TRPS1: variants seen among roughly 807,000 people sequenced by gnomAD.
TRPS1 encodes transcriptional repressor GATA binding 1, also known as zinc finger transcription factor Trps1.
A neutral mutation model predicts 101.2 loss-of-function variants in TRPS1; 6 were observed. The ratio of observed to expected loss-of-function variants is 0.06; its 90% confidence interval spans 0.03 to 0.12. The LOEUF (loss-of-function observed/expected upper bound fraction) is 0.12, where lower values mean the gene tolerates loss of function less well. TRPS1 is among the 10% of genes least tolerant of loss of function. The probability of loss-of-function intolerance (pLI) is 1.00; values close to 1 mark genes in which losing one functional copy is unlikely to be tolerated. For synonymous variants in TRPS1, 578 were observed against 589.8 expected (o/e 0.98, Z 0.29); for missense variants, 1,363 against 1,567.0 (o/e 0.87, Z 2.20).
intron 5 of TRPS1, among the ~76,000 whole-genome samples, chr8:115,542,013 C>T (rs1816464313): frequency 6.6e-6 from 1 of 152,110 alleles, no homozygotes. Flanking sequence ...TGCCATAGAA[C>T]TTCTGCAAAA....
At chr8:115,610,250 T>TA (rs552277823) in intron 3 of TRPS1, among the ~76,000 whole-genome samples, 67 of 151,394 alleles carry the variant, frequency 4.4e-4, no homozygotes, top group Non-Finnish European at 6.3e-4. Context: ...GCTAAGTTGT[T>TA]AAAAAAAAAT....
At chr8:115,495,277 C>T (rs1815121526) in intron 5 of TRPS1, among the ~76,000 whole-genome samples, 1 of 152,070 alleles carries the variant, frequency 6.6e-6, no homozygotes, top group Non-Finnish European at 1.5e-5. Flanking sequence ...CAACATGATG[C>T]AACTCTGTAT....
chr8:115,514,067 A>G (rs1815650446), intron 5 of TRPS1, among the ~76,000 whole-genome samples: 1 of 151,698 alleles, frequency 6.6e-6, no homozygotes, highest in African/African-American at 2.4e-5. Context: ...AATATAATAC[A>G]CATCCTGAGA....
At chr8:115,598,307 C>T (rs1209229406) in intron 4 of TRPS1, among the ~76,000 whole-genome samples, 1 of 152,058 alleles carries the variant, frequency 6.6e-6, no homozygotes, top group Non-Finnish European at 1.5e-5. Flanking sequence ...TAGTCATTTT[C>T]CCTTCAAACT....
At chr8:115,572,491 G>T (rs1004478715) in intron 5 of TRPS1, among the ~76,000 whole-genome samples, 1 of 151,728 alleles carries the variant, frequency 6.6e-6, no homozygotes, top group Non-Finnish European at 1.5e-5. Context: ...TCACTCTGTG[G>T]TACCTGACAC....
At chr8:115,498,399 CTCTCTCTCTCTCTCTCTATATATATATA>C (rs1815208614) in intron 5 of TRPS1, among the ~76,000 whole-genome samples, 1 of 83,252 alleles carries the variant, frequency 1.2e-5, no homozygotes, top group African/African-American at 5.3e-5. Flanking sequence ...CTCTCTCTCT[CTCTCTCTCTCTCTCTCTATATATATATA>C]TATATATATA....
rs534205166 is a variant in TRPS1, at chr8:115,622,254, T to C, written c.37+1347A>G. Among the ~76,000 whole-genome samples the C allele has an allele frequency of 7.2e-5, 11 of 152,274 alleles. No individual in the cohort carries two copies. In the South Asian group the frequency reaches 2.3e-3, roughly 32 times the overall value. ...GTTTGCATTTCAATGTCTTATGTGT[T>C]ATGTCAACCTTTTAGGAGTCCTGTA... is the stretch of plus-strand genomic sequence containing the variant. On this transcript the variant is annotated intron_variant, in intron 2 of 6. Transcript: ENST00000395715.
chr8:115,550,218 A>C (rs2130336490), intron 5 of TRPS1, among the ~76,000 whole-genome samples: 1 of 152,366 alleles, frequency 6.6e-6, no homozygotes, highest in East Asian at 1.9e-4. Context: ...TGTCTCAAAA[A>C]AGAATGATTT....
At chr8:115,550,531 C>G (rs1816679170) in intron 5 of TRPS1, among the ~76,000 whole-genome samples, 1 of 152,158 alleles carries the variant, frequency 6.6e-6, no homozygotes. Flanking sequence ...ATATAAAGTA[C>G]AACTCTTTTA....
intron 1 of TRPS1, among the ~76,000 whole-genome samples, chr8:115,627,516 G>A (rs1046643558): frequency 6.6e-6 from 1 of 151,722 alleles, no homozygotes; most frequent in Non-Finnish European, 1.5e-5. Context: ...GTAGCTCATC[G>A]AAGAGTATAA....
At chr8:115,496,122 C>A (rs2130122442) in intron 5 of TRPS1, among the ~76,000 whole-genome samples, 1 of 152,228 alleles carries the variant, frequency 6.6e-6, no homozygotes, top group South Asian at 2.1e-4. Flanking sequence ...TGTGCTGTTT[C>A]TAAAAATCCA....
At chr8:115,497,249 G>A (rs906058288) in intron 5 of TRPS1, among the ~76,000 whole-genome samples, 2 of 152,144 alleles carry the variant, frequency 1.3e-5, no homozygotes, top group Admixed American at 1.3e-4. Flanking sequence ...CAGATCATCA[G>A]GCATTAGTTA....
intron 5 of TRPS1, among the ~76,000 whole-genome samples, chr8:115,549,690 G>C (rs1187328344): frequency 7.0e-6 from 1 of 143,594 alleles, no homozygotes; most frequent in African/African-American, 2.6e-5. Context: ...AAAAAAAAAC[G>C]CTAAACAAAA....
intron 5 of TRPS1, among the ~76,000 whole-genome samples, chr8:115,420,241 C>T (rs1450428610): frequency 6.6e-6 from 1 of 152,144 alleles, no homozygotes; most frequent in Non-Finnish European, 1.5e-5. Flanking sequence ...TGTCAGTCTG[C>T]AAGTCCCAGT....
intron 1 of TRPS1, among the ~76,000 whole-genome samples, chr8:115,631,184 T>C (rs2130561610): frequency 6.6e-6 from 1 of 152,242 alleles, no homozygotes; most frequent in South Asian, 2.1e-4. Flanking sequence ...TCCACTGTCA[T>C]GTGGCACCTT....
intron 5 of TRPS1, among the ~76,000 whole-genome samples, chr8:115,511,892 A>G (rs1390806572): frequency 6.6e-6 from 1 of 151,850 alleles, no homozygotes; most frequent in East Asian, 1.9e-4. Context: ...TCACATACGA[A>G]ATGTATGAAC....
intron 1 of TRPS1, among the ~76,000 whole-genome samples, chr8:115,653,402 T>C (rs192797442): frequency 1.2e-4 from 18 of 152,278 alleles, no homozygotes; most frequent in Non-Finnish European, 7.4e-5. Context: ...TCAGCCTTTC[T>C]TCATATAGTA....
intron 5 of TRPS1, among the ~76,000 whole-genome samples, chr8:115,435,920 A>C (rs1344459762): frequency 6.6e-6 from 1 of 151,960 alleles, no homozygotes; most frequent in Non-Finnish European, 1.5e-5. Flanking sequence ...TAAGAGAACG[A>C]TGCAAGAAAG....
At chr8:115,505,362 C>G (rs1024444814) in intron 5 of TRPS1, among the ~76,000 whole-genome samples, 2 of 152,024 alleles carry the variant, frequency 1.3e-5, no homozygotes, top group African/African-American at 4.8e-5. Flanking sequence ...CTTTTGAAAT[C>G]ACAGTGGTAA....
Sources: allele counts gnomAD v4.1 joint callset (sites outside exome capture counted in the v4.1 genomes callset), GRCh38; gene constraint gnomAD v4.1.1; transcripts MANE v1.5; gene names NCBI Gene and HGNC (gene_info 2026-07-23, HGNC 2026-07-21).